Variants in PAPSS2 observed in about 807,000 individuals in gnomAD.
PAPSS2 encodes the protein 3'-phosphoadenosine 5'-phosphosulfate synthase 2.
A neutral mutation model predicts 66.5 loss-of-function variants in PAPSS2; 61 were observed. The observed-to-expected ratio is 0.92, with a 90% CI of 0.75 to 1.14. The LOEUF (loss-of-function observed/expected upper bound fraction) is 1.14, where lower values mean the gene tolerates loss of function less well. Among genes scored for constraint, PAPSS2 ranks in the 50% most tolerant of loss-of-function variants. PAPSS2 has a pLI of 0.00. For synonymous variants in PAPSS2, 289 were observed against 287.5 expected (o/e 1.01, Z -0.05); for missense variants, 708 against 789.6 (o/e 0.90, Z 1.24).
intron 9 of PAPSS2, among the ~76,000 whole-genome samples, chr10:87,738,623 T>TG (rs1403704356): frequency 2.6e-5 from 4 of 152,234 alleles, no homozygotes; most frequent in Non-Finnish European, 5.9e-5. Flanking sequence ...TTGCCCAGGC[T>TG]GGTCTCAAAC....
intron 1 of PAPSS2, among the ~76,000 whole-genome samples, chr10:87,667,116 T>G (rs1852824432): frequency 6.6e-6 from 1 of 152,230 alleles, no homozygotes; most frequent in South Asian, 2.1e-4. Context: ...TTTGTCTTCT[T>G]GTTCCTTTTT....
At chr10:87,691,909 C>A (rs2131914160) in intron 1 of PAPSS2, among the ~76,000 whole-genome samples, 1 of 152,168 alleles carries the variant, frequency 6.6e-6, no homozygotes, top group Non-Finnish European at 1.5e-5. Context: ...CACTGCACTG[C>A]AGCCTGTGTG....
intron 1 of PAPSS2, among the ~76,000 whole-genome samples, chr10:87,686,175 G>A (rs12265003): frequency 0.13 from 20,088 of 149,190 alleles, 2,136 homozygotes; most frequent in East Asian, 0.32. Flanking sequence ...AGGTAGTTGT[G>A]TATGTATGTA....
chr10:87,679,093 A>G (rs1455718443), intron 1 of PAPSS2, among the ~76,000 whole-genome samples: 1 of 152,258 alleles, frequency 6.6e-6, no homozygotes, highest in Admixed American at 6.5e-5. Context: ...AATACTATTC[A>G]GCCATAAAAA....
chr10:87,746,923 A>G lies in PAPSS2; in HGVS notation c.*953A>G, dbSNP rs1853948584. ...ACAGGTGAACAAACTGTGATGATGC[A>G]CATGTATGTGTTTTGTAAGCTGTGA... On this transcript the variant is annotated 3_prime_UTR_variant, in exon 13 of 13. Transcript: ENST00000456849. The G allele has an allele frequency of 6.6e-6, 1 of 152,218 alleles. No homozygotes were observed. Among genetic ancestry groups the G allele is most frequent in the Non-Finnish European group, 1.5e-5 (1 of 68,038 alleles). 9.4% of individuals were successfully genotyped at this position (152,218 alleles called of 1,614,324 possible). A position where few individuals can be genotyped will look rare whatever the true frequency, so the allele number is the denominator to read the frequency against.
At chr10:87,660,074 A>G in intron 1 of PAPSS2, 66 bp downstream of exon 1, 1 of 1,495,806 alleles carries the variant, frequency 6.7e-7, no homozygotes, top group Non-Finnish European at 9.2e-7. Flanking sequence ...CCAACCCCCA[A>G]TTCCCCGGCA....
intron 9 of PAPSS2, 87 bp from the exon 10 acceptor site, chr10:87,741,148 C>T: frequency 7.4e-6 from 10 of 1,357,608 alleles, no homozygotes; most frequent in Non-Finnish European, 1.1e-5. Context: ...TTAACTGTAA[C>T]CCGAGATTGG....
Position 87,690,086 on chromosome 10 carries a change from C to T in PAPSS2, c.28-19110C>T, listed in dbSNP as rs192995470. 3.0e-3 allele frequency among the ~76,000 whole-genome samples: 453 copies of T among 152,158 alleles called. 4 individuals carry two copies. The highest frequency in any genetic ancestry group is 0.02 in the South Asian group (94 of 4,804). On this transcript the variant is annotated intron_variant, in intron 1 of 12. Transcript: ENST00000456849. ...TCATACTGATTGACCTAGTAATCCA[C>T]GTCTAGCAATTAATCCCACAGATAT...
At chr10:87,696,104 A>G (rs1239244274) in intron 1 of PAPSS2, among the ~76,000 whole-genome samples, 4 of 152,220 alleles carry the variant, frequency 2.6e-5, no homozygotes, top group African/African-American at 9.6e-5. Flanking sequence ...CTCCACATGC[A>G]TATACACTCC....
intron 1 of PAPSS2, among the ~76,000 whole-genome samples, chr10:87,681,459 G>A (rs1174788990): frequency 6.6e-6 from 1 of 152,192 alleles, no homozygotes; most frequent in East Asian, 1.9e-4. Context: ...ACAAGAATTT[G>A]AAGAGGTTTT....
At chr10:87,721,484 GA>G (rs1403740594) in intron 7 of PAPSS2, among the ~76,000 whole-genome samples, 1 of 152,098 alleles carries the variant, frequency 6.6e-6, no homozygotes, top group Non-Finnish European at 1.5e-5. Context: ...CCAGTGGATG[GA>G]AAAATAAATA....
At chr10:87,673,450 T>G (rs1852904283) in intron 1 of PAPSS2, among the ~76,000 whole-genome samples, 1 of 152,008 alleles carries the variant, frequency 6.6e-6, no homozygotes, top group African/African-American at 2.4e-5. Flanking sequence ...TGTGAGCCAC[T>G]GTGCCAGCCT....
intron 1 of PAPSS2, among the ~76,000 whole-genome samples, chr10:87,666,162 C>T (rs928333098): frequency 6.6e-6 from 1 of 152,036 alleles, no homozygotes; most frequent in East Asian, 1.9e-4. Flanking sequence ...CGGGTTTTCA[C>T]CATGTTGGCC....
At chr10:87,743,900 C>T (rs768129191) in intron 11 of PAPSS2, among the ~76,000 whole-genome samples, 3 of 152,016 alleles carry the variant, frequency 2.0e-5, no homozygotes, top group African/African-American at 4.8e-5. Flanking sequence ...GTCAGGAGTT[C>T]GAGGCCACCT....
At chr10:87,689,480 A>G (rs1853140063) in intron 1 of PAPSS2, among the ~76,000 whole-genome samples, 1 of 152,010 alleles carries the variant, frequency 6.6e-6, no homozygotes, top group East Asian at 1.9e-4. Flanking sequence ...AGACCAGCCT[A>G]ACATGGTGAA....
Position 87,714,984 on chromosome 10 carries a change from G to C in PAPSS2, c.640-1G>C, listed in dbSNP as rs981095457. 5.7e-6 allele frequency: 9 copies of C among 1,592,294 alleles called. No homozygotes were observed. The highest frequency in any genetic ancestry group is 5.4e-5 in the African/African-American group (4 of 74,430). Reference sequence around the variant, plus strand: ...TTTTTACCAATGCTGTTTCATTTCAGAACATTGTACCCTATACTATAATCA... The same window carrying C: ...TTTTTACCAATGCTGTTTCATTTCACAACATTGTACCCTATACTATAATCA... On this transcript the variant is annotated splice_acceptor_variant, in intron 5 of 12. Transcript: ENST00000456849. LOFTEE classifies it high-confidence loss of function.
chr10:87,743,316 T>C, intron 10 of PAPSS2, 57 bp from the exon 11 acceptor site: 2 of 1,542,182 alleles, frequency 1.3e-6, no homozygotes, highest in Non-Finnish European at 1.8e-6. Flanking sequence ...TCTGTTCTTG[T>C]GGAGAAATGA....
Position 87,739,201 on chromosome 10 carries a change from G to C in PAPSS2, c.1087-2034G>C, listed in dbSNP as rs545457748. Among the ~76,000 whole-genome samples the C allele has an allele frequency of 4.6e-5, 7 of 151,988 alleles. No homozygotes were observed. The South Asian group carries it at 1.5e-3, about 32-fold the overall frequency. On this transcript the variant is annotated intron_variant, in intron 9 of 12. Coordinates refer to ENST00000456849, the MANE Select transcript of PAPSS2 (RefSeq NM_001015880.2). Reference sequence around the variant, plus strand: ...AATTTTGTATGTGGTGTAAGATAAGGGTCCAACTTCATTCCTTTGCATGTG... The same window carrying C: ...AATTTTGTATGTGGTGTAAGATAAGCGTCCAACTTCATTCCTTTGCATGTG...
chr10:87,697,780 T>G (rs1320936937), intron 1 of PAPSS2, among the ~76,000 whole-genome samples: 1 of 152,206 alleles, frequency 6.6e-6, no homozygotes, highest in Non-Finnish European at 1.5e-5. Context: ...TATCATCCAA[T>G]GGAAACTCCA....
Sources: gnomAD v4.1 joint callset for allele counts (sites outside exome capture counted in the v4.1 genomes callset) on GRCh38, gnomAD v4.1.1 for gene constraint, MANE v1.5 for transcripts, NCBI Gene and HGNC (gene_info 2026-07-23, HGNC 2026-07-21) for gene names.